The following RSU1 variants were observed in gnomAD, a reference collection of about 807,000 sequenced individuals.
The protein encoded by RSU1 is rsu-1.
Under a neutral mutation model 31.1 loss-of-function variants are expected in RSU1, and 26 were observed. The ratio of observed to expected loss-of-function variants is 0.84; its 90% confidence interval spans 0.61 to 1.16. The LOEUF (loss-of-function observed/expected upper bound fraction) is 1.16, where lower values mean the gene tolerates loss of function less well. Among genes scored for constraint, RSU1 ranks in the 50% most tolerant of loss-of-function variants. The pLI, the probability that RSU1 is intolerant of heterozygous loss-of-function variation, is 0.00. For synonymous variants in RSU1, 164 were observed against 136.3 expected, an observed-to-expected ratio of 1.20 and a Z score of -1.41; for missense variants, 320 against 339.1, an observed-to-expected ratio of 0.94 and a Z score of 0.44.
At chr10:16,787,780 A>G (rs992719602) in intron 2 of RSU1, among the ~76,000 whole-genome samples, 1 of 152,226 alleles carries the variant, frequency 6.6e-6, no homozygotes, top group African/African-American at 2.4e-5. Context: ...TGGAAATGTG[A>G]GTCCATTAAA....
At chr10:16,779,820 C>A (rs1837612517) in intron 3 of RSU1, among the ~76,000 whole-genome samples, 1 of 152,092 alleles carries the variant, frequency 6.6e-6, no homozygotes, top group South Asian at 2.1e-4. Flanking sequence ...ACTTGAAAAA[C>A]CATAGCAAAG....
intron 3 of RSU1, among the ~76,000 whole-genome samples, chr10:16,773,124 T>C (rs758327960): frequency 3.3e-5 from 5 of 151,322 alleles, no homozygotes; most frequent in Non-Finnish European, 7.4e-5. Flanking sequence ...CACTTGAGCC[T>C]GGAGGTTAAG....
intron 8 of RSU1, among the ~76,000 whole-genome samples, chr10:16,664,028 G>A (rs1834939489): frequency 6.6e-6 from 1 of 152,004 alleles, no homozygotes; most frequent in Non-Finnish European, 1.5e-5. Flanking sequence ...AAGGGACTAG[G>A]GTTAAATATG....
rs537441598 is a variant in RSU1 at position 16,670,219 on chromosome 10, A to G, written c.731+24804T>C. On this transcript the variant is annotated intron_variant, in intron 8 of 8. Coordinates refer to ENST00000345264, the MANE Select transcript of RSU1 (RefSeq NM_012425.4). ...CATTTTAAATTACAGAAGAAAGCGC[A>G]GGGGCTAGCAAACTTGGCTTGGTGC... Among the ~76,000 whole-genome samples the G allele has an allele frequency of 7.9e-5, 12 of 152,346 alleles. No homozygotes were observed. In the South Asian group the frequency reaches 1.9e-3, roughly 24 times the overall value.
chr10:16,763,273 A>G (rs572749179), intron 4 of RSU1, among the ~76,000 whole-genome samples: 6 of 152,250 alleles, frequency 3.9e-5, no homozygotes, highest in African/African-American at 1.2e-4. Flanking sequence ...GTAACTTACA[A>G]GAAAAGAGGT....
chr10:16,637,929 T>C (rs1254491724), intron 8 of RSU1, among the ~76,000 whole-genome samples: 3 of 151,914 alleles, frequency 2.0e-5, no homozygotes, highest in African/African-American at 7.3e-5. Flanking sequence ...AATTAAAGCA[T>C]GGGCACATCA....
intron 8 of RSU1, among the ~76,000 whole-genome samples, chr10:16,632,005 C>A (rs1834258984): frequency 6.6e-6 from 1 of 152,146 alleles, no homozygotes; most frequent in African/African-American, 2.4e-5. Flanking sequence ...TAGCTGCTGC[C>A]TTGACTGACA....
intron 7 of RSU1, among the ~76,000 whole-genome samples, chr10:16,746,050 CAAG>C (rs1836846710): frequency 6.6e-6 from 1 of 152,164 alleles, no homozygotes; most frequent in Non-Finnish European, 1.5e-5. Flanking sequence ...AGAGATATAA[CAAG>C]AGATTTTTGA....
chr10:16,663,998 C>G (rs1002556264), intron 8 of RSU1, among the ~76,000 whole-genome samples: 51 of 152,204 alleles, frequency 3.4e-4, no homozygotes, highest in African/African-American at 1.2e-3. Context: ...TTCAATTACT[C>G]TACACTCCAG....
chr10:16,652,408 A>C (rs930973099), intron 8 of RSU1, among the ~76,000 whole-genome samples: 41 of 151,460 alleles, frequency 2.7e-4, no homozygotes, highest in African/African-American at 7.3e-4. Context: ...AAAAAAAAAA[A>C]AAAACCCGAG....
intron 8 of RSU1, among the ~76,000 whole-genome samples, chr10:16,645,453 T>A (rs1028997016): frequency 1.3e-5 from 2 of 151,012 alleles, no homozygotes; most frequent in Non-Finnish European, 2.9e-5. Flanking sequence ...AAAGAAAAAA[T>A]TTCTTTCATG....
chr10:16,617,946 C>G (rs1046016281), intron 8 of RSU1, among the ~76,000 whole-genome samples: 4 of 152,172 alleles, frequency 2.6e-5, no homozygotes, highest in African/African-American at 9.7e-5. Context: ...GACTAAAACA[C>G]CAAAAGCAAT....
At chr10:16,704,466 G>T (rs1835855116) in intron 7 of RSU1, among the ~76,000 whole-genome samples, 1 of 152,304 alleles carries the variant, frequency 6.6e-6, no homozygotes. Flanking sequence ...AATTTATCTG[G>T]CTCTTTCAGA....
intron 8 of RSU1, among the ~76,000 whole-genome samples, chr10:16,598,808 T>C (rs1833663890): frequency 6.6e-6 from 1 of 150,692 alleles, no homozygotes. Flanking sequence ...TTCTTGGTAA[T>C]GTGTTAGAGC....
intron 7 of RSU1, among the ~76,000 whole-genome samples, chr10:16,740,756 C>T (rs1410478695): frequency 2.6e-5 from 4 of 152,006 alleles, no homozygotes; most frequent in African/African-American, 9.7e-5. Context: ...AAAAATTTAG[C>T]AAAAGTATCA....
intron 2 of RSU1, among the ~76,000 whole-genome samples, chr10:16,810,134 G>A (rs1312913458): frequency 6.6e-6 from 1 of 152,142 alleles, no homozygotes; most frequent in Non-Finnish European, 1.5e-5. Context: ...CAGAGGCCAA[G>A]GCAGGAGAAT....
At chr10:16,614,581 A>C (rs1588675214) in intron 8 of RSU1, among the ~76,000 whole-genome samples, 1 of 152,244 alleles carries the variant, frequency 6.6e-6, no homozygotes. Flanking sequence ...TGATTATTAC[A>C]CATTGCATGC....
chr10:16,636,401 A>C (rs1040923168), intron 8 of RSU1, among the ~76,000 whole-genome samples: 8 of 152,126 alleles, frequency 5.3e-5, no homozygotes, highest in African/African-American at 1.9e-4. Flanking sequence ...ATTCTTTGCC[A>C]AACTCTGTCC....
intron 2 of RSU1, among the ~76,000 whole-genome samples, chr10:16,785,435 T>TATACAC (rs1564357261): frequency 7.1e-6 from 1 of 140,548 alleles, no homozygotes; most frequent in East Asian, 2.0e-4. Flanking sequence ...TACATATATA[T>TATACAC]ATATACACAT....
Sources: gnomAD v4.1 joint callset for allele counts (sites outside exome capture counted in the v4.1 genomes callset) on GRCh38, gnomAD v4.1.1 for gene constraint, MANE v1.5 for transcripts, NCBI Gene and HGNC (gene_info 2026-07-23, HGNC 2026-07-21) for gene names.